The following LOXL2 variants were observed in gnomAD, a reference collection of about 807,000 sequenced individuals.
LOXL2 encodes lysyl oxidase homolog 2.
A neutral mutation model predicts 93.0 loss-of-function variants in LOXL2; 70 were observed. The ratio of observed to expected loss-of-function variants is 0.75; its 90% CI spans 0.62 to 0.92. The LOEUF (loss-of-function observed/expected upper bound fraction) is 0.92. Ranked by LOEUF, LOXL2 falls within the 40% of genes least tolerant of loss-of-function variation. The probability of loss-of-function intolerance (pLI) is 0.00; values close to 1 mark genes in which losing one functional copy is unlikely to be tolerated. For synonymous variants in LOXL2, 438 were observed against 413.2 expected (o/e 1.06, Z -0.73); for missense variants, 973 against 1,054.9 (o/e 0.92, Z 1.08).
At chr8:23,310,128 A>G (rs893532156) in intron 9 of LOXL2, among the ~76,000 whole-genome samples, 3 of 152,240 alleles carry the variant, frequency 2.0e-5, no homozygotes, top group Non-Finnish European at 4.4e-5. Context: ...TTATCGGTGC[A>G]GATGAGCGAG....
chr8:23,359,471 C>G (rs1804253126), intron 3 of LOXL2, among the ~76,000 whole-genome samples: 1 of 152,164 alleles, frequency 6.6e-6, no homozygotes, highest in East Asian at 1.9e-4. Flanking sequence ...TAGAGAAGAA[C>G]AGAGGGCTGC....
intron 13 of LOXL2, 47 bp downstream of exon 13, chr8:23,298,789 A>T: frequency 8.4e-7 from 1 of 1,195,866 alleles, no homozygotes; most frequent in Non-Finnish European, 1.2e-6. Context: ...TTGAGAAAGT[A>T]GGGCAGCTCC....
At chr8:23,310,709 A>C (rs1167783451) in intron 9 of LOXL2, among the ~76,000 whole-genome samples, 1 of 152,214 alleles carries the variant, frequency 6.6e-6, no homozygotes, top group African/African-American at 2.4e-5. Flanking sequence ...CCTACTGCCA[A>C]ATTGCCTTCT....
chr8:23,367,974 G>C, intron 2 of LOXL2, 23 bp downstream of exon 2: 1 of 1,589,094 alleles, frequency 6.3e-7, no homozygotes, highest in African/African-American at 1.3e-5. Flanking sequence ...ACAGCACTCA[G>C]ATCCAAAGCA....
At chr8:23,313,382 C>T (rs1290970294) in intron 9 of LOXL2, among the ~76,000 whole-genome samples, 3 of 152,072 alleles carry the variant, frequency 2.0e-5, no homozygotes, top group Non-Finnish European at 4.4e-5. Context: ...CATCACACTA[C>T]CTGACTTCAA....
At chr8:23,343,615 A>G (rs1203014998) in intron 3 of LOXL2, among the ~76,000 whole-genome samples, 1 of 152,226 alleles carries the variant, frequency 6.6e-6, no homozygotes, top group Non-Finnish European at 1.5e-5. Context: ...GTCCACAGCC[A>G]GGCCCTACTC....
intron 3 of LOXL2, among the ~76,000 whole-genome samples, chr8:23,342,073 G>A (rs369705224): frequency 5.8e-4 from 88 of 152,322 alleles, no homozygotes; most frequent in African/African-American, 2.0e-3. Flanking sequence ...AGTGGAGGAG[G>A]GCTGGAGGGG....
intron 3 of LOXL2, among the ~76,000 whole-genome samples, chr8:23,355,476 A>AAATAATTCT (rs887503123): frequency 1.3e-5 from 2 of 149,738 alleles, no homozygotes; most frequent in African/African-American, 2.5e-5. Flanking sequence ...GAGCTTAAGG[A>AAATAATTCT]AATAATTCTT....
intron 10 of LOXL2, among the ~76,000 whole-genome samples, chr8:23,304,681 TAGTC>T (rs1292356710): frequency 6.6e-6 from 1 of 152,152 alleles, no homozygotes; most frequent in Non-Finnish European, 1.5e-5. Context: ...GGTAGCACAT[TAGTC>T]AGCACTTGAC....
In LOXL2 at chr8:23,380,369, G is replaced by A. The variant is rs184552394; in HGVS notation, c.-83-11935C>T. On this transcript the variant is annotated intron_variant, in intron 1 of 13. Coordinates refer to ENST00000389131, the MANE Select transcript of LOXL2 (RefSeq NM_002318.3). ...GATCATGCCACTGCACTCCAGCCTC[G>A]TGACAGAGCGAGACTCCGTCTCAAA... Among the ~76,000 whole-genome samples the A allele has an allele frequency of 1.3e-3, 169 of 131,524 alleles. 2 individuals are homozygous for A. The East Asian group carries it at 0.02, about 16-fold the overall frequency. 86.3% of individuals were successfully genotyped at this position (131,524 alleles called of 152,430 possible).
At chr8:23,400,614 C>G (rs1468225224) in intron 1 of LOXL2, among the ~76,000 whole-genome samples, 1 of 152,104 alleles carries the variant, frequency 6.6e-6, no homozygotes, top group Non-Finnish European at 1.5e-5. Flanking sequence ...CAATGGGAAG[C>G]CTATATACCC....
chr8:23,398,465 G>C (rs912773450), intron 1 of LOXL2, among the ~76,000 whole-genome samples: 1 of 152,140 alleles, frequency 6.6e-6, no homozygotes, highest in African/African-American at 2.4e-5. Flanking sequence ...CAAGTGAAGG[G>C]ATCAAAAGCC....
chr8:23,327,686 A>G (rs1171974301), intron 6 of LOXL2, among the ~76,000 whole-genome samples: 1 of 152,112 alleles, frequency 6.6e-6, no homozygotes, highest in African/African-American at 2.4e-5. Context: ...TTGAATGACC[A>G]AGGCTCGCAA....
At chr8:23,346,523 ACT>A (rs1481929632) in intron 3 of LOXL2, among the ~76,000 whole-genome samples, 1 of 152,080 alleles carries the variant, frequency 6.6e-6, no homozygotes, top group East Asian at 1.9e-4. Flanking sequence ...CTGAGCTCTG[ACT>A]CTCAGGTTTA....
chr8:23,337,201 A>G (rs1366881684), intron 4 of LOXL2: 1 of 152,320 alleles, frequency 6.6e-6, no homozygotes, highest in African/African-American at 2.4e-5. Flanking sequence ...TCCACTGTCC[A>G]ATAGGGTCAG....
intron 2 of LOXL2, among the ~76,000 whole-genome samples, chr8:23,367,764 G>C (rs1295638550): frequency 6.6e-6 from 1 of 152,018 alleles, no homozygotes; most frequent in Admixed American, 6.5e-5. Flanking sequence ...GGAAAGTCTT[G>C]GGCAAATCAG....
At chr8:23,298,649 G>A (rs902524632) in intron 13 of LOXL2, among the ~76,000 whole-genome samples, 187 bp downstream of exon 13, 3 of 152,170 alleles carry the variant, frequency 2.0e-5, no homozygotes, top group Non-Finnish European at 2.9e-5. Flanking sequence ...ATCCGTGGCC[G>A]GAGCTGGCTG....
intron 1 of LOXL2, among the ~76,000 whole-genome samples, chr8:23,384,183 T>C (rs576462130): frequency 6.6e-6 from 1 of 152,330 alleles, no homozygotes; most frequent in African/African-American, 2.4e-5. Flanking sequence ...CCCTAGCAGA[T>C]AATCAAGGCT....
intron 13 of LOXL2, 33 bp downstream of exon 13, chr8:23,298,803 C>T (rs773124586): frequency 7.1e-7 from 1 of 1,415,536 alleles, no homozygotes; most frequent in Non-Finnish European, 1.0e-6. Flanking sequence ...CAGCTCCCGC[C>T]TGCTTCCTGG....
Sources: gnomAD v4.1 joint callset for allele counts (sites outside exome capture counted in the v4.1 genomes callset) on GRCh38, gnomAD v4.1.1 for gene constraint, MANE v1.5 for transcripts, NCBI Gene and HGNC (gene_info 2026-07-23, HGNC 2026-07-21) for gene names.